VSTM2L: variants seen among roughly 807,000 people sequenced by gnomAD.
The protein encoded by VSTM2L is V-set and transmembrane domain-containing protein 2-like protein.
VSTM2L carries 9 observed loss-of-function variants against 19.9 expected under a neutral mutation model. The observed-to-expected ratio is 0.45, with a 90% confidence interval of 0.27 to 0.79. The LOEUF (loss-of-function observed/expected upper bound fraction) is 0.79, where lower values mean the gene tolerates loss of function less well. Among genes scored for constraint, VSTM2L ranks in the 30% least tolerant of loss-of-function variants. The pLI, the probability that VSTM2L is intolerant of heterozygous loss-of-function variation, is 0.15. For synonymous variants in VSTM2L, 127 were observed against 133.8 expected, an observed-to-expected ratio of 0.95 and a Z score of 0.35; for missense variants, 286 against 295.5, an observed-to-expected ratio of 0.97 and a Z score of 0.24.
rs2072991994 is a variant in VSTM2L at position 37,944,127 on chromosome 20, G to A, written c.489G>A (p.Val163=). 1.9e-6 allele frequency: 3 copies of A among 1,610,632 alleles called. No individual in the cohort carries two copies. The highest frequency in any genetic ancestry group is 2.5e-6 in the Non-Finnish European group (3 of 1,178,306). The change falls in exon 4 of 4, where the codon GTG becomes GTA. Residue 163 remains valine, a synonymous_variant. Coordinates refer to ENST00000373461, the MANE Select transcript of VSTM2L (RefSeq NM_080607.3). ...ACAAGGTCAAGGCCTACCTGCGGGTGCAGCCAGGGGAGAACTCCGTCCTGC... is the reference window on the plus strand; with the variant it reads ...ACAAGGTCAAGGCCTACCTGCGGGTACAGCCAGGGGAGAACTCCGTCCTGC... The part of the protein sequence containing the change: ...RHHKVKAYLR[V]QPGENSVLHL...
At chr20:37,933,442 C>T (rs6126571) in intron 2 of VSTM2L, 97 bp from the exon 3 acceptor site, 91,167 of 990,668 alleles carry the variant, frequency 0.092, 7,265 homozygotes, top group East Asian at 0.39. Context: ...AGCGGTTGTC[C>T]GTATCCCTAT....
chr20:37,912,907 A>C (rs2072789060), intron 1 of VSTM2L, among the ~76,000 whole-genome samples: 1 of 148,898 alleles, frequency 6.7e-6, no homozygotes, highest in Non-Finnish European at 1.5e-5. Context: ...TTTCCTCTCT[A>C]TCTCTGTCTT....
intron 1 of VSTM2L, among the ~76,000 whole-genome samples, chr20:37,913,702 G>A (rs887781885): frequency 2.0e-4 from 30 of 152,228 alleles, no homozygotes; most frequent in African/African-American, 7.0e-4. Context: ...GACTGCTGGG[G>A]CTGAGAGGGG....
At chr20:37,917,602 G>C (rs2072826492) in intron 1 of VSTM2L, among the ~76,000 whole-genome samples, 1 of 152,252 alleles carries the variant, frequency 6.6e-6, no homozygotes, top group South Asian at 2.1e-4. Flanking sequence ...TAGTGAAGCA[G>C]CTTGCACAAT....
chr20:37,939,444 C>T (rs925379106), intron 3 of VSTM2L, among the ~76,000 whole-genome samples: 2 of 151,868 alleles, frequency 1.3e-5, no homozygotes, highest in Non-Finnish European at 2.9e-5. Context: ...AAAGAAAGAA[C>T]GAAAGAAAGA....
At chr20:37,930,194 C>T (rs1333223695) in intron 1 of VSTM2L, among the ~76,000 whole-genome samples, 1 of 152,204 alleles carries the variant, frequency 6.6e-6, no homozygotes, top group Non-Finnish European at 1.5e-5. Context: ...ATGGAAACCC[C>T]ATGAGCAGAG....
At chr20:37,935,908 G>C (rs1242980001) in intron 3 of VSTM2L, among the ~76,000 whole-genome samples, 2 of 149,148 alleles carry the variant, frequency 1.3e-5, no homozygotes, top group Non-Finnish European at 3.0e-5. Context: ...TTTTGAGATG[G>C]AGTTTCACTG....
intron 3 of VSTM2L, among the ~76,000 whole-genome samples, chr20:37,938,589 C>T (rs748337311): frequency 6.6e-6 from 1 of 152,202 alleles, no homozygotes; most frequent in Non-Finnish European, 1.5e-5. Flanking sequence ...CTGCAGTGCC[C>T]GGAAAAGCCT....
chr20:37,929,858 G>T (rs74929558), intron 1 of VSTM2L, among the ~76,000 whole-genome samples: 2,400 of 152,214 alleles, frequency 0.016, 29 homozygotes, highest in Non-Finnish European at 0.026. Context: ...CTGGAAGGAG[G>T]GGGTGGCCCT....
intron 3 of VSTM2L, among the ~76,000 whole-genome samples, chr20:37,936,185 C>T (rs1036546184): frequency 1.3e-5 from 2 of 151,942 alleles, no homozygotes; most frequent in Non-Finnish European, 2.9e-5. Flanking sequence ...CATGAGGCAC[C>T]GCGCCTGGTT....
Position 37,931,622 on chromosome 20 carries a change from G to T in VSTM2L, c.122-13G>T, listed in dbSNP as rs991118956. ...CCTGAGCCCCGCCATTCTTCCCCCT[G>T]TTTCTTGCACAGCCCTGTTCACAGA... On this transcript the variant is annotated splice_polypyrimidine_tract_variant and intron_variant, in intron 1 of 3. Coordinates refer to ENST00000373461, the MANE Select transcript of VSTM2L (RefSeq NM_080607.3). 6 of 1,605,466 alleles carry T rather than the reference G, an allele frequency of 3.7e-6. No homozygotes were observed. The highest frequency in any genetic ancestry group is 3.3e-5 in the Admixed American group (2 of 59,752).
intron 1 of VSTM2L, among the ~76,000 whole-genome samples, chr20:37,914,061 G>C (rs1016700519): frequency 2.0e-5 from 3 of 152,056 alleles, no homozygotes; most frequent in African/African-American, 7.2e-5. Flanking sequence ...GGGATGCTGG[G>C]GCTGGCCGGT....
At position 37,944,239 on chromosome 20, in the gene VSTM2L, G is replaced by A; in HGVS notation, c.601G>A (p.Ala201Thr). 1 of 1,511,722 alleles carries A rather than the reference G, an allele frequency of 6.6e-7. No individual in the cohort carries two copies. Among genetic ancestry groups the A allele is most frequent in the South Asian group, 1.3e-5 (1 of 78,908 alleles). The allele number at this position is 1,511,722 out of a possible 1,614,324, so 93.6% of individuals were successfully genotyped here. A position where few individuals can be genotyped will look rare whatever the true frequency, so the allele number is the denominator to read the frequency against. ...GAGGAAGCGCTCGGTGGACCAGGAGGCCTGCAGCCTCTAGACTGATGCCCC... is the reference window on the plus strand; with the variant it reads ...GAGGAAGCGCTCGGTGGACCAGGAGACCTGCAGCCTCTAGACTGATGCCCC... The part of the protein sequence containing the change: ...ELRKRSVDQE[A>T]CSL Residue 201 changes from alanine to threonine, a missense_variant, in exon 4 of 4, where the codon GCC becomes ACC. Transcript: ENST00000373461.
Position 37,944,030 on chromosome 20 carries a change from G to T in VSTM2L, c.392G>T (p.Arg131Leu), listed in dbSNP as rs748374780. 3.1e-6 allele frequency: 5 copies of T among 1,607,120 alleles called. No individual in the cohort carries two copies. Among genetic ancestry groups the T allele is most frequent in the African/African-American group, 1.3e-5 (1 of 74,524 alleles). Residue 131 changes from arginine to leucine, a missense_variant, in exon 4 of 4, where the codon CGG (arginine) becomes CTG (leucine). Arg to Leu is a moderately radical substitution (Grantham distance 102). Coordinates refer to ENST00000373461, the MANE Select transcript of VSTM2L (RefSeq NM_080607.3). The stretch of plus-strand genomic sequence containing the variant: ...ATCTCCCACAAGCTGCGCCTGTCCC[G>T]GGTGAAGCCCACGGACGAAGGCACC... ...SNISHKLRLSRVKPTDEGTYE... is the reference protein window; with the variant it reads ...SNISHKLRLSLVKPTDEGTYE...
Position 37,944,813 on chromosome 20 carries a change from G to A in VSTM2L, c.*560G>A. On this transcript the variant is annotated 3_prime_UTR_variant, in exon 4 of 4. Transcript: ENST00000373461. ...CAGGGTCACTCATGGAGGCCTAGGG[G>A]AACAGCGAGATGCCCCACCACCTCC... 1 of 986,128 alleles carries A rather than the reference G, an allele frequency of 1.0e-6. No individual in the cohort carries two copies. The highest frequency in any genetic ancestry group is 1.7e-5 in the African/African-American group (1 of 57,336). 61.1% of individuals were successfully genotyped at this position (986,128 alleles called of 1,614,324 possible). A position where few individuals can be genotyped will look rare whatever the true frequency, so the allele number is the denominator to read the frequency against.
chr20:37,935,878 A>G lies in VSTM2L; in HGVS notation c.342+2289A>G, dbSNP rs368944757. ...CAGGCCAATGTGTGTGTGAACCCAT[A>G]CACAGATTTTTTTTTTTTTTTTTGA... On this transcript the variant is annotated intron_variant, in intron 3 of 3. Coordinates refer to ENST00000373461, the MANE Select transcript of VSTM2L (RefSeq NM_080607.3). Among the ~76,000 whole-genome samples the G allele has an allele frequency of 4.2e-3, 577 of 137,180 alleles. 5 individuals are homozygous for G. Among genetic ancestry groups the G allele is most frequent in the African/African-American group, 0.015 (541 of 36,150 alleles). 90.0% of individuals were successfully genotyped at this position (137,180 alleles called of 152,430 possible).
chr20:37,924,220 C>T (rs2072867583), intron 1 of VSTM2L, among the ~76,000 whole-genome samples: 1 of 152,214 alleles, frequency 6.6e-6, no homozygotes, highest in Non-Finnish European at 1.5e-5. Flanking sequence ...TGCCACTGCA[C>T]TCCAGCCTGG....
chr20:37,944,420 G>GCGCCCC lies in VSTM2L; in HGVS notation c.*168_*169insGCCCCC. On this transcript the variant is annotated 3_prime_UTR_variant, in exon 4 of 4. Transcript: ENST00000373461. ...CCACCACCCCTTGCTCAGCATGTAA[G>GCGCCCC]CCCCACCCACCCCTGCCCTTTCAGA... 1 of 1,199,426 alleles carries GCGCCCC rather than the reference G, an allele frequency of 8.3e-7. No individual in the cohort carries two copies. Among genetic ancestry groups the GCGCCCC allele is most frequent in the Non-Finnish European group, 1.1e-6 (1 of 921,446 alleles). 74.3% of individuals were successfully genotyped at this position (1,199,426 alleles called of 1,614,324 possible).
intron 1 of VSTM2L, 142 bp downstream of exon 1, chr20:37,903,613 C>G (rs563702410): frequency 1.6e-6 from 2 of 1,243,240 alleles, no homozygotes; most frequent in South Asian, 2.1e-5. Context: ...GCGGTGGACC[C>G]GCCCTGGCAC....
Sources: allele counts gnomAD v4.1 joint callset (sites outside exome capture counted in the v4.1 genomes callset), GRCh38; gene constraint gnomAD v4.1.1; transcripts MANE v1.5; gene names NCBI Gene and HGNC (gene_info 2026-07-23, HGNC 2026-07-21).